Variants in RHOBTB1 observed in about 807,000 individuals in gnomAD.
The protein encoded by RHOBTB1 is Rho related BTB domain containing 1.
Under a neutral mutation model 71.6 loss-of-function variants are expected in RHOBTB1, and 40 were observed. The ratio of observed to expected loss-of-function variants is 0.56; its 90% CI spans 0.43 to 0.73. The LOEUF (loss-of-function observed/expected upper bound fraction) is 0.73. RHOBTB1 is among the 30% of genes least tolerant of loss of function. RHOBTB1 has a pLI of 0.00. For missense variants in RHOBTB1, 797 were observed against 894.0 expected, an observed-to-expected ratio of 0.89 and a Z score of 1.38; for synonymous variants, 319 against 334.9, an observed-to-expected ratio of 0.95 and a Z score of 0.52.
chr10:60,992,052 T>C (rs2086889165), intron 1 of RHOBTB1, among the ~76,000 whole-genome samples: 1 of 152,080 alleles, frequency 6.6e-6, no homozygotes, highest in South Asian at 2.1e-4. Flanking sequence ...GTGAAATCAG[T>C]ATGAAAAGAC....
chr10:61,001,685 G>C (rs1239625563), upstream of RHOBTB1, among the ~76,000 whole-genome samples: 2 of 151,988 alleles, frequency 1.3e-5, no homozygotes, highest in African/African-American at 4.8e-5. Context: ...ACGCCTAGGC[G>C]GTCCCGGGAG....
chr10:60,982,566 C>G (rs988593058), intron 2 of RHOBTB1, among the ~76,000 whole-genome samples: 29 of 152,042 alleles, frequency 1.9e-4, no homozygotes, highest in African/African-American at 6.8e-4. Context: ...CTTGGCCTCC[C>G]TAGATACCAG....
At chr10:60,862,826 TC>T in the RHOBTB1 span, among the ~76,000 whole-genome samples, 8 of 148,788 alleles carry the variant, frequency 5.4e-5, no homozygotes, top group Non-Finnish European at 8.9e-5. Context: ...TCTCTTTCAT[TC>T]TTTTCCTCCC....
chr10:60,863,348 TG>T, the RHOBTB1 span, among the ~76,000 whole-genome samples: 5 of 152,146 alleles, frequency 3.3e-5, no homozygotes, highest in Admixed American at 6.5e-5. Context: ...ATCTTTAAAT[TG>T]TTTTTTTTTG....
chr10:60,964,973 T>C (rs892313542), intron 2 of RHOBTB1, among the ~76,000 whole-genome samples: 2 of 152,104 alleles, frequency 1.3e-5, no homozygotes, highest in Non-Finnish European at 2.9e-5. Flanking sequence ...TTAGTAATAC[T>C]AAAACAAAGT....
chr10:60,911,316 C>T (rs1312409450), intron 3 of RHOBTB1, 35 bp downstream of exon 3: 6 of 1,578,572 alleles, frequency 3.8e-6, no homozygotes, highest in Non-Finnish European at 5.2e-6. Flanking sequence ...CAATGATGTG[C>T]CCTAGGGATG....
At chr10:60,924,348 C>A (rs2083740305) in intron 2 of RHOBTB1, among the ~76,000 whole-genome samples, 1 of 151,790 alleles carries the variant, frequency 6.6e-6, no homozygotes, top group African/African-American at 2.4e-5. Flanking sequence ...CAAAAAAGAG[C>A]AGAATTAGTT....
Position 60,997,894 on chromosome 10 carries a change from T to G in RHOBTB1, c.-163+3505A>C, listed in dbSNP as rs189369281. 3.9e-3 allele frequency among the ~76,000 whole-genome samples: 598 copies of G among 152,352 alleles called. 3 individuals are homozygous for G. Among genetic ancestry groups the G allele is most frequent in the Non-Finnish European group, 6.9e-3 (472 of 68,030 alleles). On this transcript the variant is annotated intron_variant, in intron 1 of 11. Transcript: ENST00000357917. Reference sequence around the variant, plus strand: ...CTGCTGTTGACTGGGTGGTCCTCACTATTTTTGATCTGAGTGAAAAGAATG... The same window carrying G: ...CTGCTGTTGACTGGGTGGTCCTCACGATTTTTGATCTGAGTGAAAAGAATG...
At chr10:60,984,849 A>C (rs890821880) in intron 2 of RHOBTB1, among the ~76,000 whole-genome samples, 3 of 152,212 alleles carry the variant, frequency 2.0e-5, no homozygotes, top group African/African-American at 7.2e-5. Flanking sequence ...TTTTAGACAC[A>C]GAATAAACAA....
At chr10:60,929,780 C>T (rs538890044) in intron 2 of RHOBTB1, among the ~76,000 whole-genome samples, 201 of 152,040 alleles carry the variant, frequency 1.3e-3, no homozygotes, top group African/African-American at 4.3e-3. Context: ...ATATATGGAA[C>T]AAAAAATCAG....
chr10:60,910,727 C>A (rs1046421641), intron 4 of RHOBTB1, among the ~76,000 whole-genome samples, 160 bp downstream of exon 4: 17 of 152,128 alleles, frequency 1.1e-4, no homozygotes, highest in African/African-American at 4.1e-4. Flanking sequence ...CATCAGGAAA[C>A]AATACCATTT....
intron 7 of RHOBTB1, among the ~76,000 whole-genome samples, chr10:60,880,202 T>TGA (rs71018931): frequency 0.064 from 8,106 of 126,646 alleles, 429 homozygotes; most frequent in Non-Finnish European, 0.091. Context: ...TGTGTGTGTG[T>TGA]GAGAGAGAGA....
intron 7 of RHOBTB1, among the ~76,000 whole-genome samples, chr10:60,881,153 T>G (rs1003322363): frequency 6.6e-6 from 1 of 152,184 alleles, no homozygotes; most frequent in Non-Finnish European, 1.5e-5. Context: ...GTTCTCTCTC[T>G]CTTGCCTGCT....
intron 1 of RHOBTB1, among the ~76,000 whole-genome samples, chr10:60,991,431 CTTTTTTTTT>C (rs34517890): frequency 7.5e-6 from 1 of 133,970 alleles, no homozygotes; most frequent in Non-Finnish European, 1.6e-5. Context: ...TCCCTCAGTA[CTTTTTTTTT>C]TTTTTTTTGA....
intron 2 of RHOBTB1, among the ~76,000 whole-genome samples, chr10:60,921,573 A>T (rs187072420): frequency 2.7e-4 from 41 of 152,342 alleles, no homozygotes; most frequent in African/African-American, 8.9e-4. Flanking sequence ...AATTTTTGGC[A>T]ACAGAAATTG....
intron 7 of RHOBTB1, among the ~76,000 whole-genome samples, chr10:60,879,740 T>G (rs532562152): frequency 1.3e-5 from 2 of 152,246 alleles, no homozygotes; most frequent in South Asian, 4.1e-4. Context: ...CTTTATAACA[T>G]GGTTACATCT....
At chr10:60,948,467 G>A (rs1298577515), upstream of RHOBTB1, among the ~76,000 whole-genome samples, 1 of 151,734 alleles carries the variant, frequency 6.6e-6, no homozygotes, top group African/African-American at 2.4e-5. Flanking sequence ...TGTGACAGGT[G>A]CAGATGCCTC....
chr10:60,970,742 T>C (rs989619182), intron 2 of RHOBTB1, among the ~76,000 whole-genome samples: 8 of 152,000 alleles, frequency 5.3e-5, no homozygotes, highest in African/African-American at 1.9e-4. Context: ...TTACTTCACA[T>C]TTATATTTTT....
chr10:60,985,900 C>T (rs974431418), exon 2 of RHOBTB1: 1 of 152,040 alleles, frequency 6.6e-6, no homozygotes, highest in Non-Finnish European at 1.5e-5. Context: ...GTCAAGAATG[C>T]TTGATGAAGA....
Sources: allele counts gnomAD v4.1 joint callset (sites outside exome capture counted in the v4.1 genomes callset), GRCh38; gene constraint gnomAD v4.1.1; transcripts MANE v1.5; gene names NCBI Gene and HGNC (gene_info 2026-07-23, HGNC 2026-07-21).